SLC4A10: variants seen among roughly 807,000 people sequenced by gnomAD.
The protein encoded by SLC4A10 is solute carrier family 4 member 10.
Under a neutral mutation model 137.7 loss-of-function variants are expected in SLC4A10, and 42 were observed. That is an observed-to-expected ratio of 0.30 (90% CI 0.24 to 0.39). The LOEUF (loss-of-function observed/expected upper bound fraction) is 0.39, where lower values mean the gene tolerates loss of function less well. Among genes scored for constraint, SLC4A10 ranks in the 10% least tolerant of loss-of-function variants. The pLI, the probability that SLC4A10 is intolerant of heterozygous loss-of-function variation, is 1.00. For missense variants in SLC4A10, 925 were observed against 1,355.0 expected, an observed-to-expected ratio of 0.68 and a Z score of 4.98; for synonymous variants, 474 against 464.1, an observed-to-expected ratio of 1.02 and a Z score of -0.27.
intron 1 of SLC4A10, among the ~76,000 whole-genome samples, chr2:161,702,928 T>C (rs1460135778): frequency 6.6e-6 from 1 of 151,936 alleles, no homozygotes; most frequent in Non-Finnish European, 1.5e-5. Context: ...GGTTTAATTA[T>C]AGTTAATTTA....
chr2:161,894,884 GTTTTA>G (rs752062878), intron 11 of SLC4A10, 59 bp downstream of exon 11: 10 of 1,042,886 alleles, frequency 9.6e-6, no homozygotes, highest in South Asian at 3.5e-5. Flanking sequence ...TTAAATGCAT[GTTTTA>G]TTTTATTTTA....
At chr2:161,722,579 T>C (rs890770436) in intron 1 of SLC4A10, among the ~76,000 whole-genome samples, 1 of 152,318 alleles carries the variant, frequency 6.6e-6, no homozygotes, top group Non-Finnish European at 1.5e-5. Context: ...AGCACCAACC[T>C]GATGCTGGCC....
chr2:161,745,382 TC>T (rs2048294532), intron 1 of SLC4A10, among the ~76,000 whole-genome samples: 2 of 152,214 alleles, frequency 1.3e-5, no homozygotes, highest in Non-Finnish European at 2.9e-5. Flanking sequence ...CTTGAATTTT[TC>T]AGCTCCAGAA....
intron 1 of SLC4A10, among the ~76,000 whole-genome samples, chr2:161,635,539 G>A (rs1317018081): frequency 6.6e-6 from 1 of 152,070 alleles, no homozygotes; most frequent in Admixed American, 6.6e-5. Context: ...TCATTGCTTT[G>A]ATTGTGCTTT....
intron 15 of SLC4A10, among the ~76,000 whole-genome samples, chr2:161,933,182 C>CTTTTT (rs1349843913): frequency 8.7e-6 from 1 of 114,440 alleles, no homozygotes; most frequent in Non-Finnish European, 1.9e-5. Flanking sequence ...CCCCTTCCTT[C>CTTTTT]TTTTCTTTCT....
intron 26 of SLC4A10, among the ~76,000 whole-genome samples, chr2:161,980,353 TA>T (rs1401965835): frequency 6.6e-6 from 1 of 151,972 alleles, no homozygotes; most frequent in African/African-American, 2.4e-5. Flanking sequence ...ATATTATTCA[TA>T]AAAACAACTT....
intron 19 of SLC4A10, among the ~76,000 whole-genome samples, chr2:161,956,124 A>G (rs1030590415): frequency 6.6e-6 from 1 of 152,202 alleles, no homozygotes; most frequent in East Asian, 1.9e-4. Flanking sequence ...CCACTAGAAT[A>G]TAATAGTACC....
chr2:161,737,457 A>T lies in SLC4A10; in HGVS notation c.49-33516A>T, dbSNP rs569633825. ...TTTGTCATTGGGTAGTAACAGCCAA[A>T]TGTTTAGTGGATGTAGTTTTTCTTA... On this transcript the variant is annotated intron_variant, in intron 1 of 26. Coordinates refer to ENST00000446997, the MANE Select transcript of SLC4A10 (RefSeq NM_001178015.2). 1.8e-3 allele frequency among the ~76,000 whole-genome samples: 281 copies of T among 151,998 alleles called. 10 individuals are homozygous for T. Among genetic ancestry groups the T allele is most frequent in the Middle Eastern group, 0.01 (3 of 294 alleles).
At chr2:161,815,853 T>C (rs1005235769) in intron 3 of SLC4A10, among the ~76,000 whole-genome samples, 15 of 152,122 alleles carry the variant, frequency 9.9e-5, no homozygotes, top group African/African-American at 3.1e-4. Flanking sequence ...CTCCCTCTTA[T>C]TTTTTGCCAC....
intron 5 of SLC4A10, among the ~76,000 whole-genome samples, chr2:161,861,397 T>G (rs903699372): frequency 6.6e-6 from 1 of 152,106 alleles, no homozygotes; most frequent in African/African-American, 2.4e-5. Context: ...CTTATGACCA[T>G]AAGGAAAATC....
intron 1 of SLC4A10, among the ~76,000 whole-genome samples, chr2:161,656,940 T>C (rs2037622379): frequency 6.6e-6 from 1 of 152,098 alleles, no homozygotes. Flanking sequence ...GAACATGAAG[T>C]AAAAATATTA....
intron 1 of SLC4A10, among the ~76,000 whole-genome samples, chr2:161,752,520 A>G (rs2049093608): frequency 6.6e-6 from 1 of 152,108 alleles, no homozygotes; most frequent in Admixed American, 6.6e-5. Context: ...AGGTTATGAA[A>G]GCAGTATGTC....
chr2:161,844,111 C>T (rs1356117753), intron 4 of SLC4A10, among the ~76,000 whole-genome samples: 7 of 152,072 alleles, frequency 4.6e-5, no homozygotes, highest in Non-Finnish European at 1.0e-4. Flanking sequence ...GTGGCGACAA[C>T]ATGTTTGACT....
intron 1 of SLC4A10, among the ~76,000 whole-genome samples, chr2:161,718,494 T>C (rs1330728890): frequency 6.6e-6 from 1 of 152,212 alleles, no homozygotes; most frequent in African/African-American, 2.4e-5. Context: ...GATTCTGGTA[T>C]GCTCTCTTTG....
At chr2:161,650,148 T>C (rs963360062) in intron 1 of SLC4A10, among the ~76,000 whole-genome samples, 5 of 152,266 alleles carry the variant, frequency 3.3e-5, no homozygotes, top group African/African-American at 1.2e-4. Context: ...CTCTGATTTG[T>C]GACAGTTTCA....
At chr2:161,648,030 T>C (rs1653570346) in intron 1 of SLC4A10, among the ~76,000 whole-genome samples, 1 of 152,232 alleles carries the variant, frequency 6.6e-6, no homozygotes, top group African/African-American at 2.4e-5. Flanking sequence ...ATGATCTCAT[T>C]TCTGCCTCTG....
chr2:161,839,935 T>C lies in SLC4A10; in HGVS notation c.416+8T>C, dbSNP rs1158308218. Reference sequence around the variant, plus strand: ...GTGGCGAGAAACAGCCAGGTGAGGATTTTTGTTAAAGGGTGAAGGTATACT... The same window carrying C: ...GTGGCGAGAAACAGCCAGGTGAGGACTTTTGTTAAAGGGTGAAGGTATACT... On this transcript the variant is annotated splice_region_variant and intron_variant, in intron 4 of 26. Coordinates refer to ENST00000446997, the MANE Select transcript of SLC4A10 (RefSeq NM_001178015.2). 1.2e-6 allele frequency: 2 copies of C among 1,613,752 alleles called. No homozygotes were observed. Among genetic ancestry groups the C allele is most frequent in the Non-Finnish European group, 1.7e-6 (2 of 1,179,712 alleles).
chr2:161,818,606 C>A (rs1189688711), intron 3 of SLC4A10, among the ~76,000 whole-genome samples: 2 of 152,004 alleles, frequency 1.3e-5, no homozygotes, highest in South Asian at 2.1e-4. Flanking sequence ...ATGATATTGG[C>A]TGTGGGTTTG....
rs1196591132 is a variant in SLC4A10, at chr2:161,624,565, C to T, written c.47C>T (p.Thr16Met). The T allele has an allele frequency of 8.4e-6, 13 of 1,552,952 alleles. No homozygotes were observed. The East Asian group carries it at 1.5e-4, about 18-fold the overall frequency. The change falls in exon 1 of 27, where the codon ACG (threonine) becomes ATG (methionine). Residue 16 changes from threonine to methionine, a missense_variant and splice_region_variant. Thr to Met is a moderately conservative substitution (Grantham distance 81). Around this residue, in one of 11 missense-constraint regions of SLC4A10, gnomAD observed 138 missense variants for 171.3 expected, o/e 0.81. Transcript: ENST00000446997. ...GCCCAAATGGAGCCGCTGCTGCCTACGGTAAGAGACAACCTGCTATCACAT... is the reference window on the plus strand; with the variant it reads ...GCCCAAATGGAGCCGCTGCTGCCTATGGTAAGAGACAACCTGCTATCACAT... Reference protein sequence around the residue: ...QGAQMEPLLPTRNDEEAVVDR... With the variant: ...QGAQMEPLLPMRNDEEAVVDR...
Sources: allele counts gnomAD v4.1 joint callset (sites outside exome capture counted in the v4.1 genomes callset), GRCh38; gene constraint gnomAD v4.1.1; regional missense constraint gnomAD v4.1.1; transcripts MANE v1.5; gene names NCBI Gene and HGNC (gene_info 2026-07-23, HGNC 2026-07-21).